Variants in PCDH15 observed in about 807,000 individuals in gnomAD.
PCDH15 encodes the protein protocadherin related 15.
Under a neutral mutation model 178.5 loss-of-function variants are expected in PCDH15, and 129 were observed. That is an observed-to-expected ratio of 0.72 (90% CI 0.63 to 0.84). The LOEUF (loss-of-function observed/expected upper bound fraction) is 0.84, where lower values mean the gene tolerates loss of function less well. PCDH15 is among the 40% of genes least tolerant of loss of function. The pLI is 0.00. For missense variants in PCDH15, 2,230 were observed against 2,099.9 expected (o/e 1.06, Z -1.21); for synonymous variants, 800 against 732.0 (o/e 1.09, Z -1.50).
intron 1 of PCDH15, among the ~76,000 whole-genome samples, chr10:54,689,696 T>G (rs1293761724): frequency 1.3e-5 from 2 of 152,192 alleles, no homozygotes; most frequent in Non-Finnish European, 2.9e-5. Flanking sequence ...TGCATGACTG[T>G]GTTATACATA....
Position 54,249,526 on chromosome 10 carries a change from T to C in PCDH15, c.877-12595A>G, listed in dbSNP as rs182368535. Among the ~76,000 whole-genome samples the C allele has an allele frequency of 2.4e-3, 360 of 152,300 alleles. 1 individual carries two copies. The highest frequency in any genetic ancestry group is 8.4e-3 in the African/African-American group (350 of 41,586). On this transcript the variant is annotated intron_variant, in intron 8 of 37. Coordinates refer to ENST00000644397, the MANE Select transcript of PCDH15 (RefSeq NM_001384140.1). Reference sequence around the variant, plus strand: ...ATTTTGCTTTGTTTTAATTTGGGCATTTTAAAATTTTATTTCCATGGCATA... The same window carrying C: ...ATTTTGCTTTGTTTTAATTTGGGCACTTTAAAATTTTATTTCCATGGCATA...
intron 8 of PCDH15, among the ~76,000 whole-genome samples, chr10:54,296,027 C>T (rs1422540490): frequency 1.3e-5 from 2 of 149,308 alleles, no homozygotes; most frequent in African/African-American, 2.5e-5. Flanking sequence ...CGCCTGTGGT[C>T]CCAGCTACTT....
intron 2 of PCDH15, among the ~76,000 whole-genome samples, chr10:54,662,357 T>C (rs1253901457): frequency 7.2e-5 from 11 of 151,926 alleles, no homozygotes; most frequent in Admixed American, 7.2e-4. Context: ...GAGACACCAT[T>C]TCATCCCAGT....
intron 3 of PCDH15, among the ~76,000 whole-genome samples, chr10:54,852,987 G>T (rs940610058): frequency 6.6e-6 from 1 of 151,602 alleles, no homozygotes; most frequent in Non-Finnish European, 1.5e-5. Context: ...CAGGCCTGGT[G>T]CAATGGCTCA....
chr10:54,167,972 C>T (rs974144022), intron 13 of PCDH15, among the ~76,000 whole-genome samples: 1 of 151,080 alleles, frequency 6.6e-6, no homozygotes, highest in African/African-American at 2.4e-5. Context: ...CTCTGTTTCC[C>T]TACTCTCTCT....
At chr10:54,309,229 A>G (rs2060742861) in intron 8 of PCDH15, among the ~76,000 whole-genome samples, 1 of 151,974 alleles carries the variant, frequency 6.6e-6, no homozygotes, top group Non-Finnish European at 1.5e-5. Flanking sequence ...ATATATGATT[A>G]CTTGATCTAG....
intron 2 of PCDH15, among the ~76,000 whole-genome samples, chr10:55,121,406 G>C (rs889377751): frequency 3.3e-5 from 5 of 151,348 alleles, no homozygotes; most frequent in Admixed American, 2.6e-4. Flanking sequence ...GAGTTCCACC[G>C]ATATCTGCTT....
In PCDH15 at chr10:55,035,861, A is replaced by G. The variant is rs116625599; in HGVS notation, c.-80+130715T>C. Among the ~76,000 whole-genome samples, 797 of 152,072 alleles carry G rather than the reference A, an allele frequency of 5.2e-3. 9 individuals are homozygous for G. The highest frequency in any genetic ancestry group is 0.018 in the African/African-American group (744 of 41,488). Reference sequence around the variant, plus strand: ...GGGGTAGCCAGAGTGTGAATGTCCAATTTTTTTTATAATACTTTGGTCATG... The same window carrying G: ...GGGGTAGCCAGAGTGTGAATGTCCAGTTTTTTTTATAATACTTTGGTCATG... On this transcript the variant is annotated intron_variant, in intron 2 of 5. Transcript: ENST00000458638.
At chr10:54,092,318 C>T (rs575860841) in intron 15 of PCDH15, among the ~76,000 whole-genome samples, 9 of 152,218 alleles carry the variant, frequency 5.9e-5, no homozygotes, top group South Asian at 2.1e-4. Context: ...ATTTTACTAA[C>T]GTGTTGCTTC....
intron 1 of PCDH15, among the ~76,000 whole-genome samples, chr10:54,681,170 G>C (rs529244339): frequency 6.6e-6 from 1 of 152,286 alleles, no homozygotes; most frequent in Non-Finnish European, 1.5e-5. Context: ...CCACTTACTG[G>C]AATGTGATCC....
At chr10:54,855,084 T>TAC (rs1042899907) in intron 3 of PCDH15, among the ~76,000 whole-genome samples, 1 of 152,218 alleles carries the variant, frequency 6.6e-6, no homozygotes, top group African/African-American at 2.4e-5. Context: ...ACCCAGTGTG[T>TAC]ACACACACAC....
intron 10 of PCDH15, among the ~76,000 whole-genome samples, chr10:54,200,763 T>G (rs1434579475): frequency 1.3e-5 from 2 of 152,212 alleles, no homozygotes; most frequent in Non-Finnish European, 2.9e-5. Flanking sequence ...CATTCTCGTT[T>G]GGTGGTTTCC....
chr10:55,470,223 G>A (rs1045323982), intron 2 of PCDH15, among the ~76,000 whole-genome samples: 1 of 151,772 alleles, frequency 6.6e-6, no homozygotes, highest in African/African-American at 2.4e-5. Context: ...AGGTGGTTTG[G>A]CCTATAGTCT....
At chr10:54,852,572 G>T (rs1375113345) in intron 3 of PCDH15, among the ~76,000 whole-genome samples, 1 of 152,070 alleles carries the variant, frequency 6.6e-6, no homozygotes, top group African/African-American at 2.4e-5. Flanking sequence ...TTTATTTTAG[G>T]CCGGGTGCAG....
At chr10:55,088,719 G>A (rs1489975518) in intron 2 of PCDH15, among the ~76,000 whole-genome samples, 1 of 151,974 alleles carries the variant, frequency 6.6e-6, no homozygotes, top group Admixed American at 6.6e-5. Context: ...ATAAGCATAA[G>A]GTTAATGAGC....
chr10:54,020,093 G>A (rs2092866908), intron 20 of PCDH15, 99 bp downstream of exon 20: 1 of 1,014,648 alleles, frequency 9.9e-7, no homozygotes, highest in Non-Finnish European at 1.5e-6. Flanking sequence ...TGTGTCATTA[G>A]GAATTGTTAT....
At chr10:55,413,146 A>T (rs1838385285) in intron 2 of PCDH15, among the ~76,000 whole-genome samples, 1 of 151,956 alleles carries the variant, frequency 6.6e-6, no homozygotes, top group East Asian at 1.9e-4. Context: ...CCAGCAGAAG[A>T]TTAAAAATAT....
chr10:55,622,234 C>T (rs1235883395), intron 2 of PCDH15, among the ~76,000 whole-genome samples: 2 of 146,270 alleles, frequency 1.4e-5, no homozygotes, highest in Admixed American at 7.0e-5. Context: ...TGGTCTTAAA[C>T]TCTAGCTCAA....
At chr10:54,558,735 A>G (rs1337531584) in intron 2 of PCDH15, among the ~76,000 whole-genome samples, 2 of 152,108 alleles carry the variant, frequency 1.3e-5, no homozygotes, top group Non-Finnish European at 1.5e-5. Context: ...GTATTTCTCC[A>G]TCATTTACTG....
Sources: allele counts gnomAD v4.1 joint callset (sites outside exome capture counted in the v4.1 genomes callset), GRCh38; gene constraint gnomAD v4.1.1; transcripts MANE v1.5; gene names NCBI Gene and HGNC (gene_info 2026-07-23, HGNC 2026-07-21).